The following LDLRAP1 variants were observed in gnomAD, a reference collection of about 807,000 sequenced individuals.
LDLRAP1 encodes low density lipoprotein receptor adaptor protein 1, also known as low density lipoprotein receptor adapter protein 1.
A neutral mutation model predicts 37.8 loss-of-function variants in LDLRAP1; 30 were observed. The observed-to-expected ratio is 0.79, with a 90% CI of 0.59 to 1.08. LDLRAP1 has a LOEUF of 1.08. Ranked by LOEUF, LDLRAP1 falls within the 50% of genes least tolerant of loss-of-function variation. The pLI is 0.00. For missense variants in LDLRAP1, 375 were observed against 401.6 expected (o/e 0.93, Z 0.57); for synonymous variants, 156 against 169.8 (o/e 0.92, Z 0.63).
chr1:25,560,906 G>A (rs2044327468), intron 4 of LDLRAP1, among the ~76,000 whole-genome samples: 1 of 152,222 alleles, frequency 6.6e-6, no homozygotes, highest in Non-Finnish European at 1.5e-5. Flanking sequence ...CAGGAAGCAG[G>A]GCCCACCCCA....
the LDLRAP1 span, among the ~76,000 whole-genome samples, chr1:25,584,645 C>T: frequency 6.6e-6 from 1 of 152,196 alleles, no homozygotes; most frequent in South Asian, 2.1e-4. Flanking sequence ...AGAGAAAATC[C>T]ACAGCTTCCA....
At chr1:25,570,303 A>G (rs2044586604), downstream of LDLRAP1, among the ~76,000 whole-genome samples, 1 of 152,242 alleles carries the variant, frequency 6.6e-6, no homozygotes, top group East Asian at 1.9e-4. Context: ...CCTGAGCGCC[A>G]GCCGTCTGCT....
At chr1:25,570,064 G>GT (rs1257279477), downstream of LDLRAP1, among the ~76,000 whole-genome samples, 1 of 152,222 alleles carries the variant, frequency 6.6e-6, no homozygotes, top group Non-Finnish European at 1.5e-5. Context: ...ACTTGGACAT[G>GT]TATCTCTTTA....
At chr1:25,585,526 C>T in the LDLRAP1 span, among the ~76,000 whole-genome samples, 5 of 152,246 alleles carry the variant, frequency 3.3e-5, no homozygotes, top group South Asian at 8.3e-4. Context: ...AGGGTTTCAC[C>T]GTGTTAGCCA....
chr1:25,563,626 A>C, intron 6 of LDLRAP1, 35 bp from the exon 7 acceptor site: 5 of 1,611,700 alleles, frequency 3.1e-6, no homozygotes, highest in Non-Finnish European at 4.2e-6. Flanking sequence ...GAAGAGGCTG[A>C]TCTCCCACTG....
chr1:25,557,685 G>T (rs2044241516), intron 4 of LDLRAP1, among the ~76,000 whole-genome samples: 1 of 152,132 alleles, frequency 6.6e-6, no homozygotes, highest in Admixed American at 6.5e-5. Flanking sequence ...AACCAGGCTT[G>T]CTGTGACTGG....
the LDLRAP1 span, among the ~76,000 whole-genome samples, chr1:25,577,404 C>T: frequency 6.6e-6 from 1 of 152,124 alleles, no homozygotes; most frequent in Non-Finnish European, 1.5e-5. Flanking sequence ...CTGTTCCTTA[C>T]CAGGTGGCCC....
chr1:25,582,933 G>C, the LDLRAP1 span, among the ~76,000 whole-genome samples: 1 of 151,524 alleles, frequency 6.6e-6, no homozygotes, highest in Non-Finnish European at 1.5e-5. Flanking sequence ...TTAGCTAGGC[G>C]TGGTGACGCA....
At chr1:25,547,564 C>T (rs1259269730) in intron 1 of LDLRAP1, among the ~76,000 whole-genome samples, 9 of 152,098 alleles carry the variant, frequency 5.9e-5, no homozygotes, top group South Asian at 4.1e-4. Flanking sequence ...AGCTTAACCC[C>T]GCTGTGGGAA....
At chr1:25,556,510 C>T (rs1454948164) in intron 3 of LDLRAP1, among the ~76,000 whole-genome samples, 1 of 152,150 alleles carries the variant, frequency 6.6e-6, no homozygotes, top group East Asian at 1.9e-4. Flanking sequence ...TGCAAGTGTC[C>T]CAGTCACCCT....
At chr1:25,566,827 T>G (rs1372753189) in intron 8 of LDLRAP1, 21 bp from the exon 9 acceptor site, 1 of 1,601,524 alleles carries the variant, frequency 6.2e-7, no homozygotes, top group Admixed American at 1.7e-5. Flanking sequence ...GGCTCTCGGC[T>G]CACACAGCTC....
At chr1:25,589,042 G>A in the LDLRAP1 span, among the ~76,000 whole-genome samples, 2 of 152,144 alleles carry the variant, frequency 1.3e-5, no homozygotes, top group Admixed American at 6.5e-5. Context: ...GGTGGCTTAC[G>A]CCTGTAATCA....
At chr1:25,580,652 G>A in the LDLRAP1 span, among the ~76,000 whole-genome samples, 1 of 152,126 alleles carries the variant, frequency 6.6e-6, no homozygotes, top group Non-Finnish European at 1.5e-5. Context: ...GGGACCACAA[G>A]TGTGAGCCAC....
chr1:25,557,568 C>G (rs1028933108), intron 4 of LDLRAP1: 1 of 468,296 alleles, frequency 2.1e-6, no homozygotes, highest in South Asian at 2.3e-5. Context: ...TTTTGGATCT[C>G]CTGTCTTTAA....
At chr1:25,576,652 G>C in the LDLRAP1 span, among the ~76,000 whole-genome samples, 1 of 152,266 alleles carries the variant, frequency 6.6e-6, no homozygotes, top group Admixed American at 6.5e-5. Context: ...GAGGCTCAGA[G>C]AGATGAAGCA....
rs554607440 is a variant in LDLRAP1, at chr1:25,563,123, C to A, written c.586C>A (p.Arg196Ser). The change falls in exon 6 of 9, where the codon CGC becomes AGC. Residue 196 changes from arginine to serine, a missense_variant. Transcript: ENST00000374338. ...AGAGGGAGGGGACGTCCTGGGGGCC[C>A]GCCAAGACTGCACCCCCTCCTTGAA... ...SQEGGDVLGARQDCTPSLKSL... is the reference protein window; with the variant it reads ...SQEGGDVLGASQDCTPSLKSL... 8 of 1,613,926 alleles carry A rather than the reference C, an allele frequency of 5.0e-6. No homozygotes were observed. The highest frequency in any genetic ancestry group is 6.8e-6 in the Non-Finnish European group (8 of 1,179,964).
rs747011377 is a variant in LDLRAP1 at position 25,554,034 on chromosome 1, G to A, written c.201G>A (p.Ser67=). The change falls in exon 2 of 9, where the codon TCG becomes TCA. Residue 67 remains serine, a synonymous_variant. Transcript: ENST00000374338. The surrounding 1 kb of genome is among the most constrained non-coding windows in gnomAD (Gnocchi z 5.4). ...AGCAGCCCAAGGGTGAGGAGCTGTCGGCCGCCGCCATCAAGAGGATCGTGG... is the reference window on the plus strand; with the variant it reads ...AGCAGCCCAAGGGTGAGGAGCTGTCAGCCGCCGCCATCAAGAGGATCGTGG... ...LVEQPKGEEL[S]AAAIKRIVAT... 79 of 1,613,922 alleles carry A rather than the reference G, an allele frequency of 4.9e-5. No individual in the cohort carries two copies. The East Asian group carries it at 4.9e-4, about 10-fold the overall frequency.
At chr1:25,562,994 T>G (rs1028290184) in intron 5 of LDLRAP1, 76 bp from the exon 6 acceptor site, 263 of 1,433,576 alleles carry the variant, frequency 1.8e-4, no homozygotes, top group Non-Finnish European at 2.4e-4. Context: ...CCACCGCTAA[T>G]CACCCCTGCC....
chr1:25,557,533 A>C, intron 4 of LDLRAP1: 1 of 537,318 alleles, frequency 1.9e-6, no homozygotes, highest in East Asian at 3.2e-5. Context: ...TTCTCTCTGT[A>C]ACGGGATTTG....
Sources: allele counts gnomAD v4.1 joint callset (sites outside exome capture counted in the v4.1 genomes callset), GRCh38; gene constraint gnomAD v4.1.1; non-coding constraint Gnocchi (gnomAD v3.1); transcripts MANE v1.5; gene names NCBI Gene and HGNC (gene_info 2026-07-23, HGNC 2026-07-21).